GLYATL1: variants seen among roughly 807,000 people sequenced by gnomAD.
GLYATL1 encodes glycine-N-acyltransferase like 1, also known as glycine N-acyltransferase-like protein 1.
A neutral mutation model predicts 20.0 loss-of-function variants in GLYATL1; 15 were observed. The observed-to-expected ratio is 0.75, with a 90% CI of 0.50 to 1.15. The LOEUF is 1.15. Among genes scored for constraint, GLYATL1 ranks in the 50% most tolerant of loss-of-function variants. The pLI, the probability that GLYATL1 is intolerant of heterozygous loss-of-function variation, is 0.00. For missense variants in GLYATL1, 380 were observed against 368.5 expected (o/e 1.03, Z -0.26); for synonymous variants, 151 against 131.5 (o/e 1.15, Z -1.01).
At position 58,955,700 on chromosome 11, in the gene GLYATL1, C is replaced by T; in HGVS notation, c.582C>T (p.Ser194=). ...GGAAGCGAGGGAAGAATGAGAGGAGCCTGCATTACATCAAGCGCTGCATAG... is the reference window on the plus strand; with the variant it reads ...GGAAGCGAGGGAAGAATGAGAGGAGTCTGCATTACATCAAGCGCTGCATAG... ...DNWKRGKNER[S]LHYIKRCIED... The change falls in exon 7 of 7, where the codon AGC becomes AGT. Residue 194 remains serine (S), a synonymous_variant. Coordinates refer to ENST00000532726, the MANE Select transcript of GLYATL1 (RefSeq NM_001389712.2). 6.2e-7 allele frequency: 1 copy of T among 1,614,122 alleles called. No individual in the cohort carries two copies. Among genetic ancestry groups the T allele is most frequent in the Non-Finnish European group, 8.5e-7 (1 of 1,180,020 alleles).
At chr11:58,948,041 GGCT>G (rs1856706760) in intron 4 of GLYATL1, 76 bp downstream of exon 4, 1 of 899,142 alleles carries the variant, frequency 1.1e-6, no homozygotes, top group Non-Finnish European at 1.9e-6. Context: ...CAGACACCAT[GGCT>G]GCTTTTATAG....
chr11:58,908,939 C>CA (rs1565115701), downstream of GLYATL1, among the ~76,000 whole-genome samples: 1 of 151,938 alleles, frequency 6.6e-6, no homozygotes, highest in Non-Finnish European at 1.5e-5. Context: ...CCTTATTTTC[C>CA]AAAAAAGAAA....
chr11:58,944,784 T>TC (rs2135202941), intron 2 of GLYATL1, among the ~76,000 whole-genome samples: 1 of 152,236 alleles, frequency 6.6e-6, no homozygotes, highest in African/African-American at 2.4e-5. Flanking sequence ...CATTCACAAA[T>TC]TTATAATTTC....
chr11:58,921,537 C>T (rs1855308598), intron 1 of GLYATL1, among the ~76,000 whole-genome samples: 3 of 152,210 alleles, frequency 2.0e-5, no homozygotes, highest in South Asian at 2.1e-4. Flanking sequence ...CCATTCTCCA[C>T]GTTATTATTC....
chr11:58,926,747 G>A (rs1244037848), upstream of GLYATL1, among the ~76,000 whole-genome samples: 2 of 152,160 alleles, frequency 1.3e-5, no homozygotes, highest in Non-Finnish European at 2.9e-5. Flanking sequence ...AATAAATAAC[G>A]TGAAGTTTAA....
chr11:58,943,046 AG>A (rs1406297220), intron 1 of GLYATL1, among the ~76,000 whole-genome samples: 1 of 152,164 alleles, frequency 6.6e-6, no homozygotes, highest in Non-Finnish European at 1.5e-5. Context: ...CAATTAGATG[AG>A]GTTAGGAGGG....
intron 4 of GLYATL1, among the ~76,000 whole-genome samples, chr11:58,950,164 G>A (rs1384309759): frequency 6.7e-6 from 1 of 149,278 alleles, no homozygotes; most frequent in Non-Finnish European, 1.5e-5. Flanking sequence ...GGTGGCGGGC[G>A]CCTGTAGTCC....
At chr11:58,933,343 C>G (rs1351206355) in intron 1 of GLYATL1, among the ~76,000 whole-genome samples, 1 of 152,180 alleles carries the variant, frequency 6.6e-6, no homozygotes, top group Non-Finnish European at 1.5e-5. Flanking sequence ...TTCCTATAAT[C>G]TCAGCTCATT....
intron 1 of GLYATL1, among the ~76,000 whole-genome samples, chr11:58,933,422 T>C (rs2135143011): frequency 6.6e-6 from 1 of 152,338 alleles, no homozygotes; most frequent in East Asian, 1.9e-4. Context: ...TCCAGGCTTA[T>C]TCCTCTATTT....
chr11:58,929,299 A>T (rs1325406640), intron 1 of GLYATL1, among the ~76,000 whole-genome samples: 1 of 152,148 alleles, frequency 6.6e-6, no homozygotes, highest in Non-Finnish European at 1.5e-5. Context: ...TAGGTTGCTG[A>T]TATTCTTATT....
intron 6 of GLYATL1, 99 bp downstream of exon 6, chr11:58,955,452 C>T: frequency 2.2e-6 from 3 of 1,369,140 alleles, no homozygotes; most frequent in Non-Finnish European, 3.0e-6. Context: ...TGAATTCATT[C>T]CTTGGGATGA....
At chr11:58,922,741 G>T (rs1855338403), upstream of GLYATL1, among the ~76,000 whole-genome samples, 1 of 152,082 alleles carries the variant, frequency 6.6e-6, no homozygotes, top group Non-Finnish European at 1.5e-5. Flanking sequence ...TTTGGGTTTG[G>T]CTTGAGCTAC....
chr11:58,943,653 G>T lies in GLYATL1; in HGVS notation c.-56G>T. On this transcript the variant is annotated 5_prime_UTR_variant, in exon 2 of 7. Transcript: ENST00000532726. ...TTGTGTCCATTGATCTCTCAGAGTG[G>T]CTGAGGATAATAGGTAAGCTCCCTC... is the stretch of plus-strand genomic sequence containing the variant. 1.2e-6 allele frequency: 2 copies of T among 1,613,430 alleles called. No homozygotes were observed. The highest frequency in any genetic ancestry group is 1.3e-5 in the African/African-American group (1 of 75,008).
At chr11:58,907,630 G>T in exon 2 of GLYATL1, 1 of 254,242 alleles carries the variant, frequency 3.9e-6, no homozygotes. Flanking sequence ...ATTCACTGAT[G>T]TTTCTAGTCA....
At chr11:58,954,946 C>T (rs754498745) in intron 5 of GLYATL1, 50 bp downstream of exon 5, 14 of 1,562,008 alleles carry the variant, frequency 9.0e-6, no homozygotes, top group Non-Finnish European at 1.2e-5. Flanking sequence ...CAAATTGTGT[C>T]TTCAACTAAC....
At chr11:58,925,582 C>G (rs1443344070), upstream of GLYATL1, among the ~76,000 whole-genome samples, 2 of 151,748 alleles carry the variant, frequency 1.3e-5, no homozygotes, top group African/African-American at 4.8e-5. Context: ...CATTCTTTCC[C>G]TTTATTTCTC....
At chr11:58,933,253 G>A (rs574841556) in intron 1 of GLYATL1, among the ~76,000 whole-genome samples, 1 of 152,334 alleles carries the variant, frequency 6.6e-6, no homozygotes, top group East Asian at 1.9e-4. Context: ...AGAGGTCAGT[G>A]CTGCGGAGAT....
At chr11:58,945,790 C>G (rs1332250330) in intron 2 of GLYATL1, among the ~76,000 whole-genome samples, 2 of 152,062 alleles carry the variant, frequency 1.3e-5, no homozygotes, top group African/African-American at 4.8e-5. Flanking sequence ...AGGCTCATGT[C>G]AGAGATCCAG....
chr11:58,934,834 C>G (rs1196230486), upstream of GLYATL1: 1 of 152,270 alleles, frequency 6.6e-6, no homozygotes, highest in African/African-American at 2.4e-5. Flanking sequence ...GGGCTGCCAA[C>G]CTGGAAATGG....
Sources: allele counts gnomAD v4.1 joint callset (sites outside exome capture counted in the v4.1 genomes callset), GRCh38; gene constraint gnomAD v4.1.1; transcripts MANE v1.5; gene names NCBI Gene and HGNC (gene_info 2026-07-23, HGNC 2026-07-21).